SGCZ: variants seen among roughly 807,000 people sequenced by gnomAD.
SGCZ encodes sarcoglycan zeta, also known as zeta-sarcoglycan.
In SGCZ, 40 loss-of-function variants were observed where a neutral mutation model predicts 41.3. The ratio of observed to expected loss-of-function variants is 0.97; its 90% CI spans 0.75 to 1.26. The LOEUF (loss-of-function observed/expected upper bound fraction) is 1.26. Ranked by LOEUF, SGCZ falls within the 50% of genes most tolerant of loss-of-function variation. The probability of loss-of-function intolerance (pLI) is 0.00; values close to 1 mark genes in which losing one functional copy is unlikely to be tolerated. For missense variants in SGCZ, 552 were observed against 369.8 expected (o/e 1.49, Z -4.04); for synonymous variants, 206 against 137.5 (o/e 1.50, Z -3.49).
intron 2 of SGCZ, among the ~76,000 whole-genome samples, chr8:14,416,996 A>C (rs573082529): frequency 6.6e-6 from 1 of 151,846 alleles, no homozygotes; most frequent in African/African-American, 2.4e-5. Context: ...ATGGGAGTTA[A>C]ATTGTTATCT....
chr8:14,176,031 T>C (rs899371756), intron 4 of SGCZ, among the ~76,000 whole-genome samples: 4 of 152,168 alleles, frequency 2.6e-5, no homozygotes, highest in African/African-American at 4.8e-5. Flanking sequence ...TATGAATGTA[T>C]GATTTTCAAA....
At chr8:14,497,343 G>A (rs1036399923) in intron 2 of SGCZ, among the ~76,000 whole-genome samples, 1 of 152,092 alleles carries the variant, frequency 6.6e-6, no homozygotes, top group Admixed American at 6.6e-5. Flanking sequence ...AGAAAGAAGG[G>A]AGAGGTCCAA....
chr8:14,509,162 T>A (rs2117070628), intron 2 of SGCZ, among the ~76,000 whole-genome samples: 1 of 152,254 alleles, frequency 6.6e-6, no homozygotes, highest in East Asian at 1.9e-4. Flanking sequence ...TAGACTAGAT[T>A]TTTTGCTGTA....
intron 1 of SGCZ, among the ~76,000 whole-genome samples, chr8:15,064,597 A>C (rs1805057087): frequency 6.6e-6 from 1 of 151,824 alleles, no homozygotes; most frequent in South Asian, 2.1e-4. Flanking sequence ...GTTTCAGCCA[A>C]AGAACTGAAA....
At chr8:14,108,111 G>C (rs372076629) in intron 6 of SGCZ, 52 bp downstream of exon 6, 5 of 1,511,672 alleles carry the variant, frequency 3.3e-6, no homozygotes, top group Non-Finnish European at 4.6e-6. Flanking sequence ...ATATATTAAG[G>C]ATTATCAACA....
At chr8:14,724,739 T>A (rs911396352) in intron 1 of SGCZ, among the ~76,000 whole-genome samples, 2 of 152,070 alleles carry the variant, frequency 1.3e-5, no homozygotes, top group Admixed American at 1.3e-4. Flanking sequence ...GTTGTATATA[T>A]TTATGGGATA....
chr8:15,177,579 T>C (rs535789647), intron 1 of SGCZ, among the ~76,000 whole-genome samples: 12 of 152,300 alleles, frequency 7.9e-5, no homozygotes, highest in African/African-American at 2.4e-4. Flanking sequence ...AAAATGTTGA[T>C]AGGCCCATAG....
rs57898016 is a variant in SGCZ, at chr8:14,493,359, CTTTTTTTTTTTT to C, written c.234+61361_234+61372del. On this transcript the variant is annotated intron_variant, in intron 2 of 7. Transcript: ENST00000382080. ...CATACTTTTCCCACTATCATCCTTT[CTTTTTTTTTTTT>C]TTTTTTTTTTTTTTTTGATGGAGTC... is the stretch of plus-strand genomic sequence containing the variant. 3.2e-4 allele frequency among the ~76,000 whole-genome samples: 14 copies of C among 44,278 alleles called. 1 individual carries two copies. The highest frequency in any genetic ancestry group is 1.3e-3 in the South Asian group (1 of 762). 29.0% of individuals were successfully genotyped at this position (44,278 alleles called of 152,430 possible).
At chr8:15,208,201 C>A (rs1227560516) in intron 1 of SGCZ, among the ~76,000 whole-genome samples, 1 of 152,172 alleles carries the variant, frequency 6.6e-6, no homozygotes, top group African/African-American at 2.4e-5. Context: ...AGACAGTAAT[C>A]CTCAGGGTTT....
chr8:14,710,492 G>A (rs1186395972), intron 1 of SGCZ, among the ~76,000 whole-genome samples: 2 of 151,524 alleles, frequency 1.3e-5, no homozygotes, highest in Non-Finnish European at 2.9e-5. Flanking sequence ...CTGAGAAACC[G>A]ATCCTTGGCC....
At chr8:14,433,892 T>C (rs557564191) in intron 2 of SGCZ, among the ~76,000 whole-genome samples, 27 of 152,280 alleles carry the variant, frequency 1.8e-4, no homozygotes, top group African/African-American at 5.8e-4. Context: ...ATGTCACCCA[T>C]AGGAATGCTA....
At chr8:14,277,057 G>A (rs1027717440) in intron 3 of SGCZ, among the ~76,000 whole-genome samples, 1 of 152,032 alleles carries the variant, frequency 6.6e-6, no homozygotes, top group African/African-American at 2.4e-5. Context: ...CACTTTGTTT[G>A]TGCTATTTGT....
chr8:14,894,764 A>T (rs968759966), intron 1 of SGCZ, among the ~76,000 whole-genome samples: 1 of 122,576 alleles, frequency 8.2e-6, no homozygotes, highest in African/African-American at 2.6e-5. Flanking sequence ...TATAAACTAC[A>T]AAAAAAAGTG....
At chr8:14,820,478 C>T (rs992954688) in intron 1 of SGCZ, among the ~76,000 whole-genome samples, 1 of 151,944 alleles carries the variant, frequency 6.6e-6, no homozygotes, top group African/African-American at 2.4e-5. Context: ...TTAAATTGTA[C>T]CATAAACCAA....
At chr8:14,148,724 A>C (rs1429278841) in intron 5 of SGCZ, among the ~76,000 whole-genome samples, 1 of 152,114 alleles carries the variant, frequency 6.6e-6, no homozygotes, top group Non-Finnish European at 1.5e-5. Context: ...AAACCAGACA[A>C]AGACACATCA....
intron 1 of SGCZ, among the ~76,000 whole-genome samples, chr8:14,982,747 T>A (rs1309171395): frequency 6.6e-6 from 1 of 152,228 alleles, no homozygotes; most frequent in Non-Finnish European, 1.5e-5. Flanking sequence ...AGCACTTTTT[T>A]AATCTTTATT....
chr8:14,146,389 A>G (rs984220693), intron 5 of SGCZ, among the ~76,000 whole-genome samples: 3 of 152,182 alleles, frequency 2.0e-5, no homozygotes, highest in African/African-American at 7.2e-5. Flanking sequence ...CAGACAAACT[A>G]AAGCCGAGGG....
chr8:15,094,381 T>G (rs999399123), intron 1 of SGCZ, among the ~76,000 whole-genome samples: 1 of 152,154 alleles, frequency 6.6e-6, no homozygotes, highest in Non-Finnish European at 1.5e-5. Context: ...GTGATCCACC[T>G]GCCTTGGCCT....
At chr8:14,734,778 C>A (rs1798975993) in intron 1 of SGCZ, among the ~76,000 whole-genome samples, 2 of 151,994 alleles carry the variant, frequency 1.3e-5, no homozygotes, top group South Asian at 4.1e-4. Flanking sequence ...GTAATTCCAC[C>A]CAAAAGATAG....
Sources: allele counts gnomAD v4.1 joint callset (sites outside exome capture counted in the v4.1 genomes callset), GRCh38; gene constraint gnomAD v4.1.1; transcripts MANE v1.5; gene names NCBI Gene and HGNC (gene_info 2026-07-23, HGNC 2026-07-21).